The following FANCD2OS variants were observed in gnomAD, a reference collection of about 807,000 sequenced individuals.
FANCD2OS encodes FANCD2 opposite strand protein.
A neutral mutation model predicts 13.2 loss-of-function variants in FANCD2OS; 11 were observed. The observed-to-expected ratio is 0.83, with a 90% CI of 0.52 to 1.38. FANCD2OS has a LOEUF of 1.38. Among genes scored for constraint, FANCD2OS ranks in the 40% most tolerant of loss-of-function variants. The pLI is 0.00. For missense variants in FANCD2OS, 217 were observed against 213.9 expected, an observed-to-expected ratio of 1.01 and a Z score of -0.09; for synonymous variants, 69 against 84.5, an observed-to-expected ratio of 0.82 and a Z score of 1.01.
chr3:10,105,762 AAAAAAAAAATTATATATATAT>A (rs1206369052), intron 1 of FANCD2OS, among the ~76,000 whole-genome samples: 3 of 75,070 alleles, frequency 4.0e-5, no homozygotes, highest in African/African-American at 3.8e-4. Flanking sequence ...AAAAAAAAAA[AAAAAAAAAATTATATATATAT>A]ATATATATAT....
At chr3:10,098,995 G>A (rs746388305), downstream of FANCD2OS, 33 of 1,613,606 alleles carry the variant, frequency 2.0e-5, no homozygotes, top group South Asian at 1.3e-4. Context: ...AAGAAACAAC[G>A]ACACAATCTT....
At chr3:10,088,700 C>A (rs937744739) in intron 2 of FANCD2OS, 30 of 1,154,826 alleles carry the variant, frequency 2.6e-5, no homozygotes, top group Non-Finnish European at 9.1e-6. Flanking sequence ...ATCTTAAGAT[C>A]CTCTGGTTCT....
intron 2 of FANCD2OS, among the ~76,000 whole-genome samples, chr3:10,086,495 CT>C (rs927484117): frequency 1.6e-4 from 24 of 149,836 alleles, no homozygotes; most frequent in African/African-American, 4.4e-4. Context: ...CTTATATCTT[CT>C]TTTTTTTTTC....
exon 3 of FANCD2OS, chr3:10,081,409 A>C: frequency 6.2e-7 from 1 of 1,614,170 alleles, no homozygotes; most frequent in Non-Finnish European, 8.5e-7. Flanking sequence ...GGAGTACCAC[A>C]TAATGTCTTC....
At chr3:10,102,591 G>GTAATCCC (rs1464661316), downstream of FANCD2OS, among the ~76,000 whole-genome samples, 1 of 152,018 alleles carries the variant, frequency 6.6e-6, no homozygotes, top group East Asian at 1.9e-4. Context: ...TTGGGAGGCT[G>GTAATCCC]AGGTGGGTGG....
chr3:10,084,660 A>C (rs977627624), intron 2 of FANCD2OS, among the ~76,000 whole-genome samples: 1 of 152,170 alleles, frequency 6.6e-6, no homozygotes, highest in Non-Finnish European at 1.5e-5. Context: ...CATTGAAGCT[A>C]TGGTAGACCA....
At position 10,104,701 on chromosome 3, in the gene FANCD2OS, G is replaced by A. The variant is rs775896483; in HGVS notation, c.74C>T (p.Pro25Leu). 19 of 1,613,696 alleles carry A rather than the reference G, an allele frequency of 1.2e-5. 1 individual carries two copies. Among genetic ancestry groups the A allele is most frequent in the East Asian group, 1.1e-4 (5 of 44,874 alleles). The stretch of plus-strand genomic sequence containing the variant: ...GAATGGGTGCTTGGAGGAAGGTGTA[G>A]GTGTCGTGTGCCGCAGCCATTGGAA... ...ESFQWLRHTT[P>L]TPSSKHPFKA... The change falls in exon 2 of 2, where the codon CCT becomes CTT. Residue 25 changes from proline to leucine, a missense_variant. Physicochemically the swap from Pro to Leu is moderately conservative, Grantham distance 98. Coordinates refer to ENST00000450660, the MANE Select transcript of FANCD2OS (RefSeq NM_001164839.2).
chr3:10,107,794 T>C (rs974869239), intron 1 of FANCD2OS, among the ~76,000 whole-genome samples: 2 of 151,926 alleles, frequency 1.3e-5, no homozygotes, highest in African/African-American at 4.8e-5. Flanking sequence ...CTTCTAAACC[T>C]AGGTCCCTGC....
downstream of FANCD2OS, chr3:10,101,096 T>C (rs1695271854): frequency 2.1e-6 from 2 of 956,716 alleles, no homozygotes; most frequent in Middle Eastern, 2.1e-4. Context: ...ACAGTGATAA[T>C]AGTACAGTTG....
intron 2 of FANCD2OS, chr3:10,094,215 T>G: frequency 8.3e-5 from 90 of 1,081,296 alleles, no homozygotes; most frequent in Non-Finnish European, 1.2e-4. Context: ...TTGGGCTGGA[T>G]GAGACTATTC....
At chr3:10,085,998 T>TTTA in intron 2 of FANCD2OS, 1 of 956,490 alleles carries the variant, frequency 1.0e-6, no homozygotes, top group Non-Finnish European at 1.7e-6. Context: ...TTCTTTAAAA[T>TTTA]AACCTGGGTG....
chr3:10,088,873 GA>G, intron 2 of FANCD2OS: 3 of 1,614,134 alleles, frequency 1.9e-6, no homozygotes, highest in Non-Finnish European at 2.5e-6. Flanking sequence ...CCATAGAGGA[GA>G]TTGCTGGTGT....
At chr3:10,086,154 A>G (rs1405574509) in intron 2 of FANCD2OS, among the ~76,000 whole-genome samples, 4 of 152,256 alleles carry the variant, frequency 2.6e-5, no homozygotes, top group African/African-American at 9.6e-5. Flanking sequence ...CCATAAACTC[A>G]GCCTTTTCAA....
In FANCD2OS at chr3:10,104,430, G is replaced by C; in HGVS notation, c.345C>G (p.Thr115=). The C allele has an allele frequency of 6.2e-7, 1 of 1,614,116 alleles. No homozygotes were observed. Among genetic ancestry groups the C allele is most frequent in the Non-Finnish European group, 8.5e-7 (1 of 1,180,024 alleles). ...ACTTGTCTGAAACTCTGAAAGTCCC[G>C]GTCCACTTTGGTGGCTGAGCTGTGA... ...RVITAQPPKW[T]GTFRVSDKSA... The change falls in exon 2 of 2, where the codon ACC becomes ACG. Residue 115 remains threonine, a synonymous_variant. Transcript: ENST00000450660.
At chr3:10,105,760 AAAAAAAAAAAATTATAT>A (rs1695453970) in intron 1 of FANCD2OS, among the ~76,000 whole-genome samples, 5 of 70,594 alleles carry the variant, frequency 7.1e-5, no homozygotes, top group South Asian at 4.3e-4. Flanking sequence ...AAAAAAAAAA[AAAAAAAAAAAATTATAT>A]ATATATATAT....
Position 10,096,335 on chromosome 3 carries a change from G to A in FANCD2OS, c.*43+7863C>T, listed in dbSNP as rs772169028. 6.2e-6 allele frequency: 10 copies of A among 1,614,052 alleles called. No homozygotes were observed. The highest frequency in any genetic ancestry group is 8.5e-6 in the Non-Finnish European group (10 of 1,179,992). ...ATTTATTTCCATTCAGATTCACCAG[G>A]ACACGAGACTCACCCAACATGTGCC... On this transcript the variant is annotated intron_variant, in intron 2 of 2. Coordinates refer to the FANCD2OS transcript ENST00000524279.
At chr3:10,092,053 T>C in intron 2 of FANCD2OS, 1 of 799,812 alleles carries the variant, frequency 1.3e-6, no homozygotes, top group Non-Finnish European at 2.3e-6. Flanking sequence ...CACTGGTTGC[T>C]ACATCTAAGG....
Position 10,091,907 on chromosome 3 carries a change from A to G in FANCD2OS, c.*44-10376T>C, listed in dbSNP as rs35247345. Among the ~76,000 whole-genome samples the G allele has an allele frequency of 4.5e-3, 682 of 152,340 alleles. 8 individuals are homozygous for G. The highest frequency in any genetic ancestry group is 0.015 in the African/African-American group (637 of 41,572). ...CAGGAGTTCGAGACTAGCCTGGCCA[A>G]CATGGTCAGTATATGTTGCAAAGGC... On this transcript the variant is annotated intron_variant, in intron 2 of 2. Coordinates refer to the FANCD2OS transcript ENST00000524279.
chr3:10,106,556 A>G (rs1167454410), intron 1 of FANCD2OS, among the ~76,000 whole-genome samples: 1 of 152,156 alleles, frequency 6.6e-6, no homozygotes. Context: ...TAATTGCCCC[A>G]GAAATACTGT....
Sources: gnomAD v4.1 joint callset for allele counts (sites outside exome capture counted in the v4.1 genomes callset) on GRCh38, gnomAD v4.1.1 for gene constraint, MANE v1.5 for transcripts, NCBI Gene and HGNC (gene_info 2026-07-23, HGNC 2026-07-21) for gene names.